The following SLC35A5 variants were observed in gnomAD, a reference collection of about 807,000 sequenced individuals.
SLC35A5 encodes the protein solute carrier family 35 member A5, also known as UDP-sugar transporter protein SLC35A5.
In SLC35A5, 28 loss-of-function variants were observed where a neutral mutation model predicts 36.3. That is an observed-to-expected ratio of 0.77 (90% CI 0.57 to 1.06). The LOEUF is 1.06. Ranked by LOEUF, SLC35A5 falls within the 50% of genes least tolerant of loss-of-function variation. SLC35A5 has a pLI of 0.00. For synonymous variants in SLC35A5, 180 were observed against 173.7 expected, an observed-to-expected ratio of 1.04 and a Z score of -0.29; for missense variants, 521 against 499.3, an observed-to-expected ratio of 1.04 and a Z score of -0.41.
chr3:112,569,380 A>T, intron 3 of SLC35A5, 111 bp downstream of exon 3: 2 of 783,886 alleles, frequency 2.6e-6, no homozygotes, highest in Non-Finnish European at 4.3e-6. Context: ...TTATATGAGG[A>T]AGCTAAGATA....
chr3:112,573,624 C>A (rs1934544444), intron 4 of SLC35A5, among the ~76,000 whole-genome samples: 1 of 152,220 alleles, frequency 6.6e-6, no homozygotes, highest in Non-Finnish European at 1.5e-5. Flanking sequence ...ATTTCTAAAC[C>A]TAAACCTTTA....
chr3:112,561,522 T>A (rs771721978), upstream of SLC35A5: 1 of 1,602,694 alleles, frequency 6.2e-7, no homozygotes, highest in South Asian at 1.1e-5. Flanking sequence ...TTAATCACAT[T>A]CTGCATCCTG....
At chr3:112,578,738 C>CT (rs1239397557) in intron 5 of SLC35A5, among the ~76,000 whole-genome samples, 1 of 152,042 alleles carries the variant, frequency 6.6e-6, no homozygotes. Flanking sequence ...TTAAGGATTT[C>CT]TTTCTTTTTT....
chr3:112,575,025 T>A (rs73229398), intron 5 of SLC35A5, among the ~76,000 whole-genome samples: 6,425 of 152,252 alleles, frequency 0.042, 255 homozygotes, highest in Admixed American at 0.11. Context: ...CCAAAAACAT[T>A]TTGAAGTCTT....
At chr3:112,568,526 C>A (rs968926088) in intron 2 of SLC35A5, among the ~76,000 whole-genome samples, 1 of 152,222 alleles carries the variant, frequency 6.6e-6, no homozygotes, top group African/African-American at 2.4e-5. Flanking sequence ...ATGTAGCTTT[C>A]CAACTCATCA....
In SLC35A5 at chr3:112,582,865, C is replaced by A; in HGVS notation, c.*129C>A. 1.3e-6 allele frequency: 1 copy of A among 765,200 alleles called. No homozygotes were observed. The highest frequency in any genetic ancestry group is 2.1e-6 in the Non-Finnish European group (1 of 473,860). The allele number at this position is 765,200 out of a possible 1,614,324, so 47.4% of individuals were successfully genotyped here. On this transcript the variant is annotated 3_prime_UTR_variant, in exon 7 of 7. Coordinates refer to ENST00000492406, the MANE Select transcript of SLC35A5 (RefSeq NM_017945.5). ...CCTAATATTCTTTGCATATATCTAG[C>A]TACTCCCTAAATGGTTCCATCCAAG...
At chr3:112,576,760 T>C (rs969359168) in intron 5 of SLC35A5, among the ~76,000 whole-genome samples, 2 of 152,222 alleles carry the variant, frequency 1.3e-5, no homozygotes, top group African/African-American at 4.8e-5. Context: ...AATATCTCAT[T>C]GATGTATGTG....
chr3:112,580,936 C>A lies in SLC35A5; in HGVS notation c.819C>A (p.Phe273Leu), dbSNP rs1934884761. 1.9e-6 allele frequency: 3 copies of A among 1,614,162 alleles called. No homozygotes were observed. The East Asian group carries it at 6.7e-5, about 36-fold the overall frequency. ...SIFIQNSKLY[F>L]FGILFNGLTL... is the part of the protein sequence containing the mutation. ...TCATACAGAACAGCAAACTCTATTT[C>A]TTTGGCATTCTGTTTAATGGGCTGA... is the stretch of plus-strand genomic sequence containing the variant. The change falls in exon 6 of 7, where the codon TTC becomes TTA. Residue 273 changes from phenylalanine (F) to leucine (L), a missense_variant. Coordinates refer to ENST00000492406, the MANE Select transcript of SLC35A5 (RefSeq NM_017945.5).
chr3:112,568,635 A>G (rs1037502278), intron 2 of SLC35A5, among the ~76,000 whole-genome samples: 2 of 152,166 alleles, frequency 1.3e-5, no homozygotes, highest in South Asian at 4.1e-4. Flanking sequence ...TCTTTACCTC[A>G]GTGTACCATT....
intron 2 of SLC35A5, among the ~76,000 whole-genome samples, chr3:112,567,077 T>C (rs1267550911): frequency 6.6e-6 from 1 of 151,772 alleles, no homozygotes; most frequent in African/African-American, 2.4e-5. Flanking sequence ...ATACAAAAAA[T>C]TAGCCGGGCG....
chr3:112,563,561 A>C, intron 2 of SLC35A5, 28 bp downstream of exon 2: 1 of 1,548,176 alleles, frequency 6.5e-7, no homozygotes, highest in Non-Finnish European at 8.8e-7. Flanking sequence ...ATATGCATGG[A>C]GCACTTCCAT....
At chr3:112,568,797 A>C (rs1406187496) in intron 2 of SLC35A5, among the ~76,000 whole-genome samples, 1 of 152,258 alleles carries the variant, frequency 6.6e-6, no homozygotes, top group Non-Finnish European at 1.5e-5. Flanking sequence ...CTGAGTAATA[A>C]TTCAGCAGGT....
intron 4 of SLC35A5, among the ~76,000 whole-genome samples, chr3:112,572,331 A>G (rs970905122): frequency 2.3e-4 from 35 of 152,008 alleles, no homozygotes; most frequent in Non-Finnish European, 3.8e-4. Flanking sequence ...TAATAATAAT[A>G]ATAATAATAT....
chr3:112,573,410 A>T (rs1420333994), intron 4 of SLC35A5, among the ~76,000 whole-genome samples: 1 of 152,200 alleles, frequency 6.6e-6, no homozygotes, highest in African/African-American at 2.4e-5. Flanking sequence ...TGAGTTTGGT[A>T]TTGAGTTACT....
At chr3:112,565,645 G>A (rs966426817) in intron 2 of SLC35A5, among the ~76,000 whole-genome samples, 134 of 152,306 alleles carry the variant, frequency 8.8e-4, no homozygotes, top group African/African-American at 3.1e-3. Flanking sequence ...GGGTTTGTTG[G>A]CGTGTGCCTG....
At chr3:112,564,677 A>G (rs1307149958) in intron 2 of SLC35A5, among the ~76,000 whole-genome samples, 3 of 152,282 alleles carry the variant, frequency 2.0e-5, no homozygotes, top group East Asian at 3.9e-4. Flanking sequence ...CCACGAGGCC[A>G]TATTTCAGAC....
Position 112,569,287 on chromosome 3 carries a change from A to G in SLC35A5, c.229+18A>G, listed in dbSNP as rs759335704. ...AAAGAAAGGTAAGTCTTGAAATGGTACTATATACTTGTTAATCATAGGACC... is the reference window on the plus strand; with the variant it reads ...AAAGAAAGGTAAGTCTTGAAATGGTGCTATATACTTGTTAATCATAGGACC... On this transcript the variant is annotated intron_variant, in intron 3 of 6. Transcript: ENST00000492406. 19 of 1,592,236 alleles carry G rather than the reference A, an allele frequency of 1.2e-5. No individual in the cohort carries two copies. The highest frequency in any genetic ancestry group is 2.2e-5 in the South Asian group (2 of 89,744).
At chr3:112,567,755 T>C (rs945537996) in intron 2 of SLC35A5, among the ~76,000 whole-genome samples, 2 of 152,212 alleles carry the variant, frequency 1.3e-5, no homozygotes, top group African/African-American at 4.8e-5. Flanking sequence ...CATGTTGTCA[T>C]ATGGTCTGGG....
At chr3:112,578,875 A>AT (rs1293342178) in intron 5 of SLC35A5, among the ~76,000 whole-genome samples, 1 of 151,550 alleles carries the variant, frequency 6.6e-6, no homozygotes, top group African/African-American at 2.4e-5. Flanking sequence ...ATGGACACCC[A>AT]TTTTTTATCT....
Sources: allele counts gnomAD v4.1 joint callset (sites outside exome capture counted in the v4.1 genomes callset), GRCh38; gene constraint gnomAD v4.1.1; transcripts MANE v1.5; gene names NCBI Gene and HGNC (gene_info 2026-07-23, HGNC 2026-07-21).